Variants in SCAF11 observed in about 807,000 individuals in gnomAD.
SCAF11 encodes the protein SR-related CTD associated factor 11, also known as protein SCAF11.
A neutral mutation model predicts 140.5 loss-of-function variants in SCAF11; 47 were observed. The ratio of observed to expected loss-of-function variants is 0.33; its 90% CI spans 0.26 to 0.43. The LOEUF is 0.43. SCAF11 is among the 20% of genes least tolerant of loss of function. The pLI is 1.00. For synonymous variants in SCAF11, 557 were observed against 579.4 expected (o/e 0.96, Z 0.55); for missense variants, 1,645 against 1,705.1 (o/e 0.96, Z 0.62).
rs934487737 is a variant in SCAF11 at position 45,990,219 on chromosome 12, G to A, written c.-22+134C>T. 5.7e-4 allele frequency: 671 copies of A among 1,182,486 alleles called. 6 individuals are homozygous for A. The highest frequency in any genetic ancestry group is 1.2e-4 in the Non-Finnish European group (111 of 944,958). The allele number at this position is 1,182,486 out of a possible 1,614,324, so 73.2% of individuals were successfully genotyped here. ...CCCAGCGCACGACGTCGCACGGGCCGCGCGAGATTCCGAAACTTTGTCAGC... is the reference window on the plus strand; with the variant it reads ...CCCAGCGCACGACGTCGCACGGGCCACGCGAGATTCCGAAACTTTGTCAGC... On this transcript the variant is annotated intron_variant, in intron 1 of 14. Coordinates refer to ENST00000369367, the MANE Select transcript of SCAF11 (RefSeq NM_004719.3).
intron 6 of SCAF11, among the ~76,000 whole-genome samples, chr12:45,940,432 G>A (rs1945269721): frequency 6.6e-6 from 1 of 152,176 alleles, no homozygotes; most frequent in African/African-American, 2.4e-5. Context: ...AATTAAGGTC[G>A]GTAACACTAA....
intron 1 of SCAF11, 23 bp from the exon 2 acceptor site, chr12:45,964,211 G>A (rs1378490416): frequency 1.8e-6 from 2 of 1,104,670 alleles, no homozygotes; most frequent in East Asian, 2.5e-5. Flanking sequence ...TTATAATAGA[G>A]AATTTTATGT....
intron 6 of SCAF11, among the ~76,000 whole-genome samples, chr12:45,943,104 A>G (rs1945342047): frequency 6.6e-6 from 1 of 152,216 alleles, no homozygotes; most frequent in Admixed American, 6.5e-5. Flanking sequence ...TCCAATAAAT[A>G]ATCTATTTCA....
At chr12:45,987,290 T>C (rs1293042326) in intron 1 of SCAF11, among the ~76,000 whole-genome samples, 1 of 152,104 alleles carries the variant, frequency 6.6e-6, no homozygotes, top group Non-Finnish European at 1.5e-5. Flanking sequence ...GAAATGAACA[T>C]GGCCCACATG....
intron 5 of SCAF11, among the ~76,000 whole-genome samples, chr12:45,945,709 T>C (rs1488652041): frequency 6.6e-6 from 1 of 152,000 alleles, no homozygotes; most frequent in Non-Finnish European, 1.5e-5. Context: ...GTTAATTTTT[T>C]CTATTTTTGC....
At chr12:45,926,051 A>C in intron 11 of SCAF11, 91 bp downstream of exon 11, 4 of 1,352,416 alleles carry the variant, frequency 3.0e-6, no homozygotes, top group Non-Finnish European at 3.0e-6. Context: ...AAAAACTACA[A>C]ATAAGGATCA....
At position 45,924,745 on chromosome 12, in the gene SCAF11, C is replaced by T. The variant is rs2136497225; in HGVS notation, c.3889G>A (p.Asp1297Asn). ...AAACATACCTGCAATTGCTTTCCAT[C>T]TGGTTGTGAAGCAATGTAGTTGACT... ...QQVNYIASQP[D>N]GKQLQGIPSS... The change falls in exon 12 of 15, where the codon GAT becomes AAT. Residue 1297 changes from aspartate (D) to asparagine (N), a missense_variant. By Grantham distance (23) the Asp-to-Asn change is conservative (BLOSUM62 1). Transcript: ENST00000369367. 1.3e-6 allele frequency: 2 copies of T among 1,548,598 alleles called. No individual in the cohort carries two copies. Among genetic ancestry groups the T allele is most frequent in the East Asian group, 2.4e-5 (1 of 42,070 alleles).
intron 1 of SCAF11, among the ~76,000 whole-genome samples, chr12:45,989,514 A>T (rs1421893532): frequency 6.6e-6 from 1 of 152,234 alleles, no homozygotes; most frequent in Non-Finnish European, 1.5e-5. Context: ...TGAATCCGTG[A>T]ATGTCTAAAT....
At chr12:45,961,316 A>C in intron 3 of SCAF11, 1 of 715,930 alleles carries the variant, frequency 1.4e-6, no homozygotes, top group South Asian at 1.5e-5. Context: ...ACCTATGTGA[A>C]AAGTCCCTGA....
rs539795330 is a variant in SCAF11, at chr12:45,984,695, C to CTT, written c.-22+5656_-22+5657dup. Among the ~76,000 whole-genome samples the CTT allele has an allele frequency of 7.2e-4, 99 of 136,596 alleles. 1 individual carries two copies. Among genetic ancestry groups the CTT allele is most frequent in the Middle Eastern group, 3.8e-3 (1 of 266 alleles). The allele number at this position is 136,596 out of a possible 152,430, so 89.6% of individuals were successfully genotyped here. On this transcript the variant is annotated intron_variant, in intron 1 of 14. Transcript: ENST00000369367. ...TCTTTTGACTTGCTCTTCGCACTTCCTTTTTTTTTTTTTTTTTGAGGTGGA... is the reference window on the plus strand; with the variant it reads ...TCTTTTGACTTGCTCTTCGCACTTCCTTTTTTTTTTTTTTTTTTTGAGGTGGA...
chr12:45,927,324 TAGATCTTCGAGTACG>T lies in SCAF11; in HGVS notation c.2362_2376del (p.Thr789_Arg793del). ...CAAGTTGTAGATGGAGAATGAAATC[TAGATCTTCGAGTACG>T]AGGCTTTTTGGTTTTATCTATGGTA... On this transcript the variant is annotated inframe_deletion, in exon 11 of 15. Coordinates refer to ENST00000369367, the MANE Select transcript of SCAF11 (RefSeq NM_004719.3). The T allele has an allele frequency of 1.2e-6, 2 of 1,614,044 alleles. No homozygotes were observed. The highest frequency in any genetic ancestry group is 1.7e-6 in the Non-Finnish European group (2 of 1,179,982).
Position 45,927,135 on chromosome 12 carries a change from C to T in SCAF11, c.2566G>A (p.Ala856Thr). Residue 856 changes from alanine (A) to threonine (T), a missense_variant, in exon 11 of 15, where the codon GCA (alanine) becomes ACA (threonine). Coordinates refer to ENST00000369367, the MANE Select transcript of SCAF11 (RefSeq NM_004719.3). Reference sequence around the variant, plus strand: ...GACTGAGATTGCCTCCTTTCTCTTGCAATATCCTTTTTTGGGGACTGAGAA... The same window carrying T: ...GACTGAGATTGCCTCCTTTCTCTTGTAATATCCTTTTTTGGGGACTGAGAA... ...SRSQSPKKDI[A>T]RERRQSQSRS... 6.2e-7 allele frequency: 1 copy of T among 1,614,146 alleles called. No homozygotes were observed. Among genetic ancestry groups the T allele is most frequent in the South Asian group, 1.1e-5 (1 of 91,082 alleles).
intron 6 of SCAF11, among the ~76,000 whole-genome samples, chr12:45,939,887 T>C (rs1945254964): frequency 6.6e-6 from 1 of 152,232 alleles, no homozygotes; most frequent in African/African-American, 2.4e-5. Context: ...TCAGTGTAAC[T>C]GGGTAAATAA....
chr12:45,928,950 C>T, intron 10 of SCAF11, 91 bp from the exon 11 acceptor site: 1 of 704,592 alleles, frequency 1.4e-6, no homozygotes, highest in Non-Finnish European at 2.1e-6. Context: ...AAATAGTCTG[C>T]AACAGAGTGA....
upstream of SCAF11, among the ~76,000 whole-genome samples, chr12:45,990,987 G>A (rs1335582822): frequency 6.6e-6 from 1 of 152,286 alleles, no homozygotes; most frequent in African/African-American, 2.4e-5. Context: ...GACAATGAAA[G>A]AGGCTTTAAG....
In SCAF11 at chr12:45,920,321, G is replaced by C. The variant is rs938758008; in HGVS notation, c.*1727C>G. On this transcript the variant is annotated 3_prime_UTR_variant, in exon 15 of 15. Coordinates refer to ENST00000369367, the MANE Select transcript of SCAF11 (RefSeq NM_004719.3). ...ATTATGCACATAAAATTGAGAAACA[G>C]ATAATCTTTACTTTAGAAAAGCACA... is the stretch of plus-strand genomic sequence containing the variant. The C allele has an allele frequency of 3.9e-5, 6 of 152,116 alleles. No individual in the cohort carries two copies. The highest frequency in any genetic ancestry group is 1.4e-4 in the African/African-American group (6 of 41,426). The allele number at this position is 152,116 out of a possible 1,614,324, so 9.4% of individuals were successfully genotyped here. A position where few individuals can be genotyped will look rare whatever the true frequency, so the allele number is the denominator to read the frequency against.
chr12:45,986,470 A>T (rs1358218153), intron 1 of SCAF11, among the ~76,000 whole-genome samples: 1 of 152,104 alleles, frequency 6.6e-6, no homozygotes, highest in Admixed American at 6.5e-5. Flanking sequence ...GACTACTAAA[A>T]AAGCCTGCTA....
chr12:45,941,081 C>T (rs1945288841), intron 6 of SCAF11, among the ~76,000 whole-genome samples: 1 of 152,140 alleles, frequency 6.6e-6, no homozygotes, highest in African/African-American at 2.4e-5. Context: ...AAAGAAATGA[C>T]AACTGGAAGA....
At chr12:45,986,017 C>T (rs1946452293) in intron 1 of SCAF11, among the ~76,000 whole-genome samples, 1 of 152,162 alleles carries the variant, frequency 6.6e-6, no homozygotes, top group Non-Finnish European at 1.5e-5. Flanking sequence ...TCACGGTATT[C>T]TCTGGGAGCT....
Sources: allele counts gnomAD v4.1 joint callset (sites outside exome capture counted in the v4.1 genomes callset), GRCh38; gene constraint gnomAD v4.1.1; transcripts MANE v1.5; gene names NCBI Gene and HGNC (gene_info 2026-07-23, HGNC 2026-07-21).